Variants in ROBO1 observed in about 807,000 individuals in gnomAD.
The protein encoded by ROBO1 is roundabout homolog 1.
ROBO1 carries 149 observed loss-of-function variants against 195.9 expected under a neutral mutation model. That is an observed-to-expected ratio of 0.76 (90% CI 0.67 to 0.87). The LOEUF (loss-of-function observed/expected upper bound fraction) is 0.87. Ranked by LOEUF, ROBO1 falls within the 40% of genes least tolerant of loss-of-function variation. ROBO1 has a pLI of 0.00. For synonymous variants in ROBO1, 816 were observed against 733.2 expected (o/e 1.11, Z -1.82); for missense variants, 1,933 against 2,068.3 (o/e 0.93, Z 1.27).
At chr3:78,776,975 T>C (rs1240698331) in intron 4 of ROBO1, among the ~76,000 whole-genome samples, 1 of 152,230 alleles carries the variant, frequency 6.6e-6, no homozygotes, top group Non-Finnish European at 1.5e-5. Context: ...TTAGCTTTTA[T>C]GGTTAACAAT....
chr3:78,911,438 C>T (rs565299607), intron 4 of ROBO1, among the ~76,000 whole-genome samples: 65 of 152,126 alleles, frequency 4.3e-4, no homozygotes, highest in South Asian at 2.7e-3. Context: ...ATTTCATGTA[C>T]GTGCTGAACC....
intron 4 of ROBO1, among the ~76,000 whole-genome samples, chr3:78,796,723 C>T (rs185293388): frequency 9.3e-4 from 142 of 152,038 alleles, no homozygotes; most frequent in Non-Finnish European, 1.5e-3. Context: ...TGCTAAAGCT[C>T]TTCCTTCCTT....
rs909735587 is a variant in ROBO1, at chr3:78,913,494, T to TA, written c.499+25106dup. 5.2e-4 allele frequency among the ~76,000 whole-genome samples: 79 copies of TA among 151,746 alleles called. 1 individual carries two copies. The highest frequency in any genetic ancestry group is 9.2e-4 in the Admixed American group (14 of 15,224). ...GAGAAATCATTTATTTAAAAAAGAGTAAAAAAAATATTTAAAATTCCATTG... is the reference window on the plus strand; with the variant it reads ...GAGAAATCATTTATTTAAAAAAGAGTAAAAAAAAATATTTAAAATTCCATTG... On this transcript the variant is annotated intron_variant, in intron 4 of 30. Transcript: ENST00000464233.
At chr3:79,023,875 T>G (rs544619545) in intron 3 of ROBO1, among the ~76,000 whole-genome samples, 1 of 151,350 alleles carries the variant, frequency 6.6e-6, no homozygotes, top group Non-Finnish European at 1.5e-5. Context: ...GGCTATTTTT[T>G]TTTTTTTTGT....
intron 2 of ROBO1, among the ~76,000 whole-genome samples, chr3:79,243,138 C>G (rs2082553936): frequency 6.6e-6 from 1 of 151,898 alleles, no homozygotes; most frequent in East Asian, 1.9e-4. Context: ...CCAGCTTCAT[C>G]CATGTCCCTA....
intron 2 of ROBO1, among the ~76,000 whole-genome samples, chr3:79,589,296 T>A (rs1943923105): frequency 1.3e-5 from 2 of 151,868 alleles, no homozygotes; most frequent in South Asian, 4.1e-4. Context: ...AATTATGACT[T>A]CAAGGAAATA....
At chr3:79,184,125 ATAAAAG>A (rs1455217926) in intron 2 of ROBO1, among the ~76,000 whole-genome samples, 6 of 152,156 alleles carry the variant, frequency 3.9e-5, no homozygotes, top group Admixed American at 6.5e-5. Context: ...AGGGGAAAAA[ATAAAAG>A]TAAAAGTATC....
At chr3:78,848,616 C>T (rs1292226875) in intron 4 of ROBO1, among the ~76,000 whole-genome samples, 2 of 152,096 alleles carry the variant, frequency 1.3e-5, no homozygotes, top group East Asian at 3.9e-4. Context: ...AGAAGGTGTC[C>T]TGCAAGTCTA....
intron 3 of ROBO1, among the ~76,000 whole-genome samples, chr3:78,987,062 A>C (rs967305496): frequency 6.6e-6 from 1 of 151,800 alleles, no homozygotes; most frequent in African/African-American, 2.4e-5. Flanking sequence ...AGTGTTTCTG[A>C]ATGTTAACCT....
chr3:78,841,061 C>CA (rs35964780), intron 4 of ROBO1, among the ~76,000 whole-genome samples: 35,007 of 118,606 alleles, frequency 0.3, 4,483 homozygotes, highest in East Asian at 0.54. Context: ...GACTGTGTCT[C>CA]AAAAAAAAAA....
intron 1 of ROBO1, among the ~76,000 whole-genome samples, chr3:79,632,661 T>G (rs1336136966): frequency 6.6e-6 from 1 of 152,086 alleles, no homozygotes; most frequent in East Asian, 1.9e-4. Context: ...GAAGCAAATG[T>G]AAAACCTAGA....
intron 2 of ROBO1, among the ~76,000 whole-genome samples, chr3:79,580,746 A>C (rs999494877): frequency 5.3e-5 from 8 of 152,122 alleles, no homozygotes; most frequent in African/African-American, 1.9e-4. Flanking sequence ...ATGTGTCACT[A>C]TATACATGTG....
chr3:78,748,411 C>A (rs558147891), intron 4 of ROBO1, among the ~76,000 whole-genome samples: 1 of 151,288 alleles, frequency 6.6e-6, no homozygotes, highest in East Asian at 2.0e-4. Context: ...TGCCATTGCA[C>A]GCCAGCCTCT....
chr3:79,757,825 G>C (rs1350384408), intron 1 of ROBO1, among the ~76,000 whole-genome samples: 1 of 136,294 alleles, frequency 7.3e-6, no homozygotes, highest in Non-Finnish European at 1.6e-5. Flanking sequence ...TGGCTCAATC[G>C]CATTTTTTAT....
intron 2 of ROBO1, among the ~76,000 whole-genome samples, chr3:79,422,579 G>T (rs1055910703): frequency 6.6e-6 from 1 of 152,046 alleles, no homozygotes; most frequent in Non-Finnish European, 1.5e-5. Context: ...AATGAGAAAG[G>T]GTAGAGAATA....
intron 2 of ROBO1, among the ~76,000 whole-genome samples, chr3:79,274,586 GAACT>G (rs2030862870): frequency 2.6e-5 from 4 of 151,694 alleles, no homozygotes. Context: ...GATGCATGTT[GAACT>G]AGAAAAGCAA....
intron 19 of ROBO1, among the ~76,000 whole-genome samples, chr3:78,647,869 C>A (rs763996405): frequency 1.5e-4 from 23 of 152,134 alleles, no homozygotes; most frequent in Non-Finnish European, 3.1e-4. Context: ...GTCTGACATT[C>A]TAGTACACTC....
At chr3:79,385,982 A>AT (rs1323613878) in intron 2 of ROBO1, among the ~76,000 whole-genome samples, 1 of 152,072 alleles carries the variant, frequency 6.6e-6, no homozygotes, top group African/African-American at 2.4e-5. Context: ...TTCAATCTGA[A>AT]TTTTTTGCTT....
chr3:79,401,181 T>C lies in ROBO1; in HGVS notation c.88+188643A>G, dbSNP rs532690390. ...GTAAATTATTCCTAAGAATTACTGA[T>C]TTTTTTAAAAAAAAATTAGCTCTAA... On this transcript the variant is annotated intron_variant, in intron 2 of 30. Transcript: ENST00000464233. Among the ~76,000 whole-genome samples, 16 of 151,886 alleles carry C rather than the reference T, an allele frequency of 1.1e-4. 1 individual carries two copies. In the East Asian group the frequency reaches 2.7e-3, roughly 26 times the overall value.
Sources: allele counts gnomAD v4.1 joint callset (sites outside exome capture counted in the v4.1 genomes callset), GRCh38; gene constraint gnomAD v4.1.1; transcripts MANE v1.5; gene names NCBI Gene and HGNC (gene_info 2026-07-23, HGNC 2026-07-21).